Variants in SLC22A14 observed in about 807,000 individuals in gnomAD.
The protein encoded by SLC22A14 is solute carrier family 22 member 14, also known as organic cation transporter-like 4.
Under a neutral mutation model 53.9 loss-of-function variants are expected in SLC22A14, and 50 were observed. The ratio of observed to expected loss-of-function variants is 0.93; its 90% confidence interval spans 0.74 to 1.17. SLC22A14 has a LOEUF of 1.17. Ranked by LOEUF, SLC22A14 falls within the 50% of genes most tolerant of loss-of-function variation. The pLI, the probability that SLC22A14 is intolerant of heterozygous loss-of-function variation, is 0.00. For missense variants in SLC22A14, 671 were observed against 734.7 expected (o/e 0.91, Z 1.00); for synonymous variants, 312 against 303.0 (o/e 1.03, Z -0.31).
chr3:38,300,136 T>C (rs779340155), intron 1 of SLC22A14, among the ~76,000 whole-genome samples: 15 of 152,232 alleles, frequency 9.9e-5, no homozygotes, highest in South Asian at 4.1e-4. Context: ...GAAGCATTCA[T>C]GGGCCTCAAA....
At chr3:38,281,806 GTGCTGGTTTTCC>G (rs1703675097), upstream of SLC22A14, among the ~76,000 whole-genome samples, 1 of 152,206 alleles carries the variant, frequency 6.6e-6, no homozygotes, top group Non-Finnish European at 1.5e-5. Flanking sequence ...ACTAGGCCCT[GTGCTGGTTTTCC>G]TGTCCTGCCA....
chr3:38,313,694 G>T (rs772846216), intron 7 of SLC22A14, 33 bp from the exon 8 acceptor site: 2 of 1,466,424 alleles, frequency 1.4e-6, no homozygotes, highest in South Asian at 1.1e-5. Context: ...GTGCGCGCGT[G>T]TGCACGCGCA....
In SLC22A14 at chr3:38,313,398, C is replaced by T. The variant is rs1352533756; in HGVS notation, c.1076C>T (p.Pro359Leu). 1.2e-6 allele frequency: 2 copies of T among 1,612,982 alleles called. No individual in the cohort carries two copies. Among genetic ancestry groups the T allele is most frequent in the Non-Finnish European group, 1.7e-6 (2 of 1,179,256 alleles). ...PSNLLDELQLPRKKVTRASVL... is the reference protein window; with the variant it reads ...PSNLLDELQLLRKKVTRASVL... ...CTGCTTGTTCTGTAGCTGCAGCTGCCCAGAAAGAAGGTGACTCGGGCCTCT... is the reference window on the plus strand; with the variant it reads ...CTGCTTGTTCTGTAGCTGCAGCTGCTCAGAAAGAAGGTGACTCGGGCCTCT... The change falls in exon 7 of 11, where the codon CCC becomes CTC. Residue 359 changes from proline (P) to leucine (L), a missense_variant. Pro to Leu is a moderately conservative substitution (Grantham distance 98). Coordinates refer to ENST00000448498, the MANE Select transcript of SLC22A14 (RefSeq NM_001320033.2).
intron 2 of SLC22A14, 47 bp downstream of exon 2, chr3:38,306,589 T>C: frequency 6.5e-7 from 1 of 1,539,608 alleles, no homozygotes; most frequent in Non-Finnish European, 8.9e-7. Flanking sequence ...AGGCTCAGAG[T>C]TGTGCCTCCC....
intron 9 of SLC22A14, 29 bp downstream of exon 9, chr3:38,315,740 TG>T (rs765793005): frequency 6.2e-7 from 1 of 1,603,276 alleles, no homozygotes; most frequent in Non-Finnish European, 8.5e-7. Flanking sequence ...GAGGGGGCCA[TG>T]GGGACATGCG....
Position 38,283,932 on chromosome 3 carries a change from A to G in SLC22A14, c.-1+1593A>G, listed in dbSNP as rs191647007. ...ATTTGCTAATTGTTGCCAGATGGGA[A>G]TGCTGTCCCATTGGCCAAACTTCAA... On this transcript the variant is annotated intron_variant, in intron 1 of 10. Coordinates refer to ENST00000448498, the MANE Select transcript of SLC22A14 (RefSeq NM_001320033.2). Among the ~76,000 whole-genome samples the G allele has an allele frequency of 3.3e-5, 5 of 152,334 alleles. No homozygotes were observed. The East Asian group carries it at 7.7e-4, about 23-fold the overall frequency.
rs80037286 is a variant in SLC22A14, at chr3:38,285,030, G to A, written c.-1+2691G>A. On this transcript the variant is annotated intron_variant, in intron 1 of 10. Coordinates refer to ENST00000448498, the MANE Select transcript of SLC22A14 (RefSeq NM_001320033.2). ...CATAATGTGTACAGAAAAGTTGTCT[G>A]GGGTAGTGAGGAAGCAGTGAGAAAC... Among the ~76,000 whole-genome samples, 309 of 152,314 alleles carry A rather than the reference G, an allele frequency of 2.0e-3. No homozygotes were observed. The Middle Eastern group carries it at 0.02, about 10-fold the overall frequency.
chr3:38,318,375 G>A lies in SLC22A14; in HGVS notation c.*126G>A, dbSNP rs1575428399. ...AACAGCCAGGCTCCCTGAGGGCCAG[G>A]CCCCCAGACCATCTTGGGTTGGAAT... On this transcript the variant is annotated 3_prime_UTR_variant, in exon 11 of 11. Transcript: ENST00000448498. 2.3e-6 allele frequency: 2 copies of A among 881,378 alleles called. No homozygotes were observed. Among genetic ancestry groups the A allele is most frequent in the East Asian group, 2.4e-5 (1 of 41,132 alleles). 54.6% of individuals were successfully genotyped at this position (881,378 alleles called of 1,614,324 possible). A position where few individuals can be genotyped will look rare whatever the true frequency, so the allele number is the denominator to read the frequency against.
Position 38,307,225 on chromosome 3 carries a change from C to T in SLC22A14, c.517-29C>T, listed in dbSNP as rs201603033. The stretch of plus-strand genomic sequence containing the variant: ...GTCTCTGGACCCAAAGGTGGGCACC[C>T]GTGGCCAATCTCTGTGTCTGACCCA... On this transcript the variant is annotated intron_variant, in intron 2 of 10. Coordinates refer to ENST00000448498, the MANE Select transcript of SLC22A14 (RefSeq NM_001320033.2). This position sits in a 1 kb window ranked among gnomAD's most constrained non-coding sequence, Gnocchi z 4.4. 34 of 1,533,740 alleles carry T rather than the reference C, an allele frequency of 2.2e-5. No individual in the cohort carries two copies. The highest frequency in any genetic ancestry group is 1.6e-4 in the African/African-American group (12 of 73,458).
chr3:38,296,341 G>C (rs958436962), intron 1 of SLC22A14, among the ~76,000 whole-genome samples: 1 of 152,068 alleles, frequency 6.6e-6, no homozygotes, highest in South Asian at 2.1e-4. Context: ...TCCCAACCCA[G>C]AAGGGTTGGG....
In SLC22A14 at chr3:38,313,761, C is replaced by CTGA; in HGVS notation, c.1199_1201dup (p.Leu400_Arg401insMet). Reference sequence around the variant, plus strand: ...CAGTTACACCTATTTTACGTTGAGCCTGAGAATGAGAGAGCTGGGCGTGAG... The same window carrying CTGA: ...CAGTTACACCTATTTTACGTTGAGCCTGATGAGAATGAGAGAGCTGGGCGTGAG... On this transcript the variant is annotated inframe_insertion, in exon 8 of 11. Transcript: ENST00000448498. 6.3e-7 allele frequency: 1 copy of CTGA among 1,599,806 alleles called. No homozygotes were observed. Among genetic ancestry groups the CTGA allele is most frequent in the South Asian group, 1.1e-5 (1 of 90,804 alleles).
Position 38,307,179 on chromosome 3 carries a change from C to T in SLC22A14, c.517-75C>T. The stretch of plus-strand genomic sequence containing the variant: ...CCCCAGGTCCCCTTGGCCTATAGGT[C>T]CCACGCTGGGATGAGTCTCAGTCTC... On this transcript the variant is annotated intron_variant, in intron 2 of 10. Coordinates refer to ENST00000448498, the MANE Select transcript of SLC22A14 (RefSeq NM_001320033.2). This position sits in a 1 kb window ranked among gnomAD's most constrained non-coding sequence, Gnocchi z 4.4. The T allele has an allele frequency of 9.8e-7, 1 of 1,022,460 alleles. No individual in the cohort carries two copies. Among genetic ancestry groups the T allele is most frequent in the East Asian group, 2.4e-5 (1 of 42,110 alleles). The allele number at this position is 1,022,460 out of a possible 1,614,324, so 63.3% of individuals were successfully genotyped here.
At chr3:38,281,086 G>C (rs565748070), upstream of SLC22A14, among the ~76,000 whole-genome samples, 8 of 152,286 alleles carry the variant, frequency 5.3e-5, no homozygotes, top group Non-Finnish European at 1.0e-4. Context: ...GGAACTCTAG[G>C]GGGGATGAGG....
At position 38,313,013 on chromosome 3, in the gene SLC22A14, C is replaced by T; in HGVS notation, c.959C>T (p.Ser320Phe). Residue 320 changes from serine (S) to phenylalanine (F), a missense_variant, in exon 6 of 11, where the codon TCC (serine) becomes TTC (phenylalanine). Ser to Phe is a radical substitution (Grantham distance 155, BLOSUM62 -2). Transcript: ENST00000448498. Reference protein sequence around the residue: ...FISYIWILPESPRWLMMKGKV... With the variant: ...FISYIWILPEFPRWLMMKGKV... The stretch of plus-strand genomic sequence containing the variant: ...TGGCCACGCAGGATTCTCCCGGAGT[C>T]CCCGCGGTGGCTGATGATGAAAGGG... 1 of 1,582,364 alleles carries T rather than the reference C, an allele frequency of 6.3e-7. No homozygotes were observed. The highest frequency in any genetic ancestry group is 8.6e-7 in the Non-Finnish European group (1 of 1,164,786).
chr3:38,285,354 A>G (rs1441354082), intron 1 of SLC22A14, among the ~76,000 whole-genome samples: 2 of 152,188 alleles, frequency 1.3e-5, no homozygotes, highest in African/African-American at 2.4e-5. Context: ...GTGTGAATCC[A>G]TCACCCACCC....
At chr3:38,299,344 A>G (rs1704110588) in intron 1 of SLC22A14, among the ~76,000 whole-genome samples, 1 of 151,550 alleles carries the variant, frequency 6.6e-6, no homozygotes, top group East Asian at 1.9e-4. Context: ...CCACCCACTC[A>G]CCCTCAGAGA....
chr3:38,311,662 T>C (rs1704470865), intron 5 of SLC22A14, among the ~76,000 whole-genome samples: 1 of 152,268 alleles, frequency 6.6e-6, no homozygotes, highest in Non-Finnish European at 1.5e-5. Context: ...AAGTTCCTTC[T>C]TTCACAAACA....
At chr3:38,279,525 C>T (rs528753615), upstream of SLC22A14, among the ~76,000 whole-genome samples, 1 of 152,192 alleles carries the variant, frequency 6.6e-6, no homozygotes, top group Non-Finnish European at 1.5e-5. Flanking sequence ...TCGTGATCCG[C>T]CCACCTCGGC....
In SLC22A14 at chr3:38,316,285, C is replaced by A. The variant is rs149688650; in HGVS notation, c.1533-39C>A. 5 of 1,598,296 alleles carry A rather than the reference C, an allele frequency of 3.1e-6. No homozygotes were observed. The African/African-American group carries it at 5.4e-5, about 17-fold the overall frequency. ...GCTGGCCCTGCCCAGCCTCTGAACC[C>A]GGCAGACCCCTCACAGGAGCTCTCA... On this transcript the variant is annotated intron_variant, in intron 9 of 10. Transcript: ENST00000448498.
Sources: gnomAD v4.1 joint callset for allele counts (sites outside exome capture counted in the v4.1 genomes callset) on GRCh38, gnomAD v4.1.1 for gene constraint, Gnocchi (gnomAD v3.1) non-coding constraint, MANE v1.5 for transcripts, NCBI Gene and HGNC (gene_info 2026-07-23, HGNC 2026-07-21) for gene names.